FBN2: variants seen among roughly 807,000 people sequenced by gnomAD.
FBN2 encodes fibrillin-2.
FBN2 carries 105 observed loss-of-function variants against 355.6 expected under a neutral mutation model. That is an observed-to-expected ratio of 0.30 (90% CI 0.25 to 0.35). The LOEUF (loss-of-function observed/expected upper bound fraction) is 0.35. Ranked by LOEUF, FBN2 falls within the 10% of genes least tolerant of loss-of-function variation. The pLI, the probability that FBN2 is intolerant of heterozygous loss-of-function variation, is 1.00. For synonymous variants in FBN2, 1,350 were observed against 1,301.2 expected, an observed-to-expected ratio of 1.04 and a Z score of -0.81; for missense variants, 3,280 against 3,758.7, an observed-to-expected ratio of 0.87 and a Z score of 3.33.
chr5:128,454,144 AC>A (rs1754325422), intron 6 of FBN2, among the ~76,000 whole-genome samples: 1 of 152,190 alleles, frequency 6.6e-6, no homozygotes, highest in Non-Finnish European at 1.5e-5. Flanking sequence ...CAGGATTATG[AC>A]ACTCAGAGTA....
At chr5:128,421,863 C>T (rs1050607722) in intron 7 of FBN2, among the ~76,000 whole-genome samples, 1 of 152,098 alleles carries the variant, frequency 6.6e-6, no homozygotes, top group African/African-American at 2.4e-5. Flanking sequence ...TGAGCTTGCA[C>T]GACAAAGAGA....
At chr5:128,407,376 C>T (rs1055238487) in intron 8 of FBN2, among the ~76,000 whole-genome samples, 1 of 152,150 alleles carries the variant, frequency 6.6e-6, no homozygotes, top group Non-Finnish European at 1.5e-5. Flanking sequence ...ATATCCTCCT[C>T]CTCCTCTTAA....
At chr5:128,492,738 G>A (rs1198366032) in intron 5 of FBN2, among the ~76,000 whole-genome samples, 1 of 149,730 alleles carries the variant, frequency 6.7e-6, no homozygotes, top group African/African-American at 2.5e-5. Flanking sequence ...GGGAGGCAGA[G>A]GCTGTGGTGA....
intron 55 of FBN2, among the ~76,000 whole-genome samples, chr5:128,285,343 A>G (rs899299942): frequency 1.3e-5 from 2 of 152,138 alleles, no homozygotes; most frequent in African/African-American, 2.4e-5. Flanking sequence ...AGTTGTGAAA[A>G]CACATTGTTT....
chr5:128,318,606 T>C (rs1029021643), intron 35 of FBN2, among the ~76,000 whole-genome samples: 9 of 151,950 alleles, frequency 5.9e-5, no homozygotes, highest in African/African-American at 2.2e-4. Context: ...GTACTATATA[T>C]ACATATACAT....
At chr5:128,405,931 C>G (rs1447601354) in intron 8 of FBN2, among the ~76,000 whole-genome samples, 1 of 152,182 alleles carries the variant, frequency 6.6e-6, no homozygotes, top group Non-Finnish European at 1.5e-5. Flanking sequence ...TTCTACAGCA[C>G]CCAGACAACA....
At chr5:128,330,752 A>T (rs904964515) in intron 32 of FBN2, 57 bp from the exon 33 acceptor site, 3 of 1,589,894 alleles carry the variant, frequency 1.9e-6, no homozygotes, top group Non-Finnish European at 2.6e-6. Flanking sequence ...AGCACCTGGA[A>T]AGATTATCGT....
At chr5:128,515,097 C>T (rs781716977) in intron 5 of FBN2, among the ~76,000 whole-genome samples, 6 of 152,074 alleles carry the variant, frequency 3.9e-5, no homozygotes, top group Non-Finnish European at 5.9e-5. Context: ...TATTTCTAAA[C>T]GAACTTGAGT....
At chr5:128,341,135 C>G (rs552576655) in intron 25 of FBN2, among the ~76,000 whole-genome samples, 1 of 152,276 alleles carries the variant, frequency 6.6e-6, no homozygotes, top group Admixed American at 6.5e-5. Context: ...CAACAATTTT[C>G]CACAGAACTT....
rs1561757542 is a variant in FBN2, at chr5:128,300,940, T to C, written c.6047-4A>G. 1.9e-6 allele frequency: 3 copies of C among 1,613,178 alleles called. No individual in the cohort carries two copies. Among genetic ancestry groups the C allele is most frequent in the Admixed American group, 1.7e-5 (1 of 60,030 alleles). ...AGGGCGACACACTCATTAGTGTCTT[T>C]AGAGAAAAAGAAGAGAAAAAATAAT... On this transcript the variant is annotated splice_polypyrimidine_tract_variant and splice_region_variant and intron_variant, in intron 47 of 64. Transcript: ENST00000262464.
At position 128,277,869 on chromosome 5, in the gene FBN2, C is replaced by T. The variant is rs1412257758; in HGVS notation, c.7471+11G>A. 1.2e-6 allele frequency: 2 copies of T among 1,613,842 alleles called. No individual in the cohort carries two copies. Among genetic ancestry groups the T allele is most frequent in the Middle Eastern group, 1.6e-4 (1 of 6,084 alleles). ...CCCCAAACCCCTGGATATAGAGGTG[C>T]CCATCGTTACCTATACAAGAGGTTC... On this transcript the variant is annotated intron_variant, in intron 58 of 64. Coordinates refer to ENST00000262464, the MANE Select transcript of FBN2 (RefSeq NM_001999.4).
At chr5:128,420,048 G>C (rs899433019) in intron 7 of FBN2, among the ~76,000 whole-genome samples, 1 of 152,110 alleles carries the variant, frequency 6.6e-6, no homozygotes, top group Non-Finnish European at 1.5e-5. Flanking sequence ...ATGATGTATA[G>C]TCTTTTCTAT....
intron 31 of FBN2, 114 bp downstream of exon 31, chr5:128,334,605 C>A: frequency 1.8e-6 from 2 of 1,095,766 alleles, no homozygotes; most frequent in East Asian, 4.8e-5. Flanking sequence ...CACACACAGT[C>A]ACAGTCTGGT....
intron 46 of FBN2, among the ~76,000 whole-genome samples, chr5:128,302,486 T>A (rs1749745364): frequency 6.6e-6 from 1 of 152,184 alleles, no homozygotes; most frequent in Non-Finnish European, 1.5e-5. Flanking sequence ...AGAAACCTAG[T>A]CACCATTCAT....
intron 62 of FBN2, among the ~76,000 whole-genome samples, chr5:128,267,591 A>T (rs1171050063): frequency 6.6e-6 from 1 of 151,866 alleles, no homozygotes; most frequent in African/African-American, 2.4e-5. Flanking sequence ...GCTTTTTTTC[A>T]TATGTTTGTT....
At chr5:128,468,693 G>C (rs947955677) in intron 5 of FBN2, among the ~76,000 whole-genome samples, 1 of 151,922 alleles carries the variant, frequency 6.6e-6, no homozygotes, top group African/African-American at 2.4e-5. Context: ...CATTTGCTTG[G>C]GAATTTTGCT....
chr5:128,327,103 T>G (rs920056443), intron 34 of FBN2, among the ~76,000 whole-genome samples: 22 of 152,300 alleles, frequency 1.4e-4, no homozygotes, highest in Admixed American at 1.4e-3. Context: ...CTAATTCTAC[T>G]ACTAAGCTTC....
At chr5:128,500,613 T>C (rs904427397) in intron 5 of FBN2, among the ~76,000 whole-genome samples, 2 of 151,622 alleles carry the variant, frequency 1.3e-5, no homozygotes, top group Non-Finnish European at 2.9e-5. Flanking sequence ...CCCGGCTAAT[T>C]TTTTGTATTT....
At position 128,364,582 on chromosome 5, in the gene FBN2, A is replaced by G. The variant is rs775383249; in HGVS notation, c.2428+18T>C. ...AACTATATGAAATGTTCTTGCATAAATATAACAAATAACTTACCAATACAG... is the reference window on the plus strand; with the variant it reads ...AACTATATGAAATGTTCTTGCATAAGTATAACAAATAACTTACCAATACAG... On this transcript the variant is annotated intron_variant, in intron 18 of 64. Coordinates refer to ENST00000262464, the MANE Select transcript of FBN2 (RefSeq NM_001999.4). 7.4e-6 allele frequency: 12 copies of G among 1,611,034 alleles called. No individual in the cohort carries two copies. Among genetic ancestry groups the G allele is most frequent in the Non-Finnish European group, 1.0e-5 (12 of 1,177,512 alleles).
Sources: allele counts gnomAD v4.1 joint callset (sites outside exome capture counted in the v4.1 genomes callset), GRCh38; gene constraint gnomAD v4.1.1; transcripts MANE v1.5; gene names NCBI Gene and HGNC (gene_info 2026-07-23, HGNC 2026-07-21).